Variants in EPHX1 observed in about 807,000 individuals in gnomAD.
EPHX1 encodes the protein epoxide hydrolase 1.
EPHX1 carries 40 observed loss-of-function variants against 43.2 expected under a neutral mutation model. The observed-to-expected ratio is 0.93, with a 90% CI of 0.72 to 1.21. The LOEUF (loss-of-function observed/expected upper bound fraction) is 1.21. Ranked by LOEUF, EPHX1 falls within the 50% of genes most tolerant of loss-of-function variation. The pLI, the probability that EPHX1 is intolerant of heterozygous loss-of-function variation, is 0.00. For synonymous variants in EPHX1, 221 were observed against 226.7 expected, an observed-to-expected ratio of 0.98 and a Z score of 0.22; for missense variants, 550 against 570.4, an observed-to-expected ratio of 0.96 and a Z score of 0.36.
rs763161291 is a variant in EPHX1, at chr1:225,835,382, C to CTT, written c.365-3251_365-3250dup. 9.2e-4 allele frequency among the ~76,000 whole-genome samples: 84 copies of CTT among 90,936 alleles called. 1 individual carries two copies. Among genetic ancestry groups the CTT allele is most frequent in the African/African-American group, 2.0e-3 (42 of 21,112 alleles). The allele number at this position is 90,936 out of a possible 152,430, so 59.7% of individuals were successfully genotyped here. A position where few individuals can be genotyped will look rare whatever the true frequency, so the allele number is the denominator to read the frequency against. On this transcript the variant is annotated intron_variant, in intron 3 of 8. Coordinates refer to ENST00000272167, the MANE Select transcript of EPHX1 (RefSeq NM_001136018.4). ...CACAGGTATGCACCACCACACTAGG[C>CTT]TTTTTTTTTTTTTTTTTTTTTTCTT...
intron 6 of EPHX1, chr1:225,840,932 A>G (rs1668348979): frequency 6.6e-6 from 1 of 152,240 alleles, no homozygotes; most frequent in Non-Finnish European, 1.5e-5. Flanking sequence ...CTCTGATTAT[A>G]AAATACATGT....
chr1:225,813,819 C>G (rs1291834300), intron 1 of EPHX1, among the ~76,000 whole-genome samples: 1 of 152,146 alleles, frequency 6.6e-6, no homozygotes, highest in Non-Finnish European at 1.5e-5. Context: ...CATGGTCCAG[C>G]CCCCGCACAG....
At chr1:225,825,100 G>A (rs1667167425) in intron 1 of EPHX1, among the ~76,000 whole-genome samples, 1 of 152,208 alleles carries the variant, frequency 6.6e-6, no homozygotes, top group South Asian at 2.1e-4. Flanking sequence ...CTTCCTGGGT[G>A]ATACACCTGG....
chr1:225,821,314 G>A (rs922370392), intron 1 of EPHX1, among the ~76,000 whole-genome samples: 1 of 151,218 alleles, frequency 6.6e-6, no homozygotes, highest in Non-Finnish European at 1.5e-5. Flanking sequence ...GGGCAATCTC[G>A]GCTCACTGCA....
At chr1:225,813,529 GA>G (rs1229196496) in intron 1 of EPHX1, among the ~76,000 whole-genome samples, 1 of 152,260 alleles carries the variant, frequency 6.6e-6, no homozygotes, top group Non-Finnish European at 1.5e-5. Flanking sequence ...TCAACAAGGA[GA>G]AAACTGCGCA....
chr1:225,838,932 G>A (rs778662565), intron 4 of EPHX1, 51 bp downstream of exon 4: 4 of 1,585,580 alleles, frequency 2.5e-6, no homozygotes, highest in Middle Eastern at 1.7e-4. Flanking sequence ...CCAAGGGTGG[G>A]CCCGGTGTTC....
At chr1:225,834,445 T>C (rs947215167) in intron 3 of EPHX1, among the ~76,000 whole-genome samples, 2 of 151,936 alleles carry the variant, frequency 1.3e-5, no homozygotes, top group Non-Finnish European at 2.9e-5. Context: ...AAACCTCGAC[T>C]TGGAGGTGCC....
rs562644016 is a variant in EPHX1 at position 225,844,372 on chromosome 1, G to A, written c.1041-126G>A. 2.4e-5 allele frequency: 35 copies of A among 1,430,150 alleles called. 1 individual carries two copies. In the East Asian group the frequency reaches 2.7e-4, roughly 11 times the overall value. The allele number at this position is 1,430,150 out of a possible 1,614,324, so 88.6% of individuals were successfully genotyped here. ...CCTGTGACACGAGGATACCACACAC[G>A]TTGCATGAGGTCTGAGGAGGGAAGC... On this transcript the variant is annotated intron_variant, in intron 7 of 8. Transcript: ENST00000272167.
intron 1 of EPHX1, chr1:225,810,656 G>T (rs1457905840): frequency 6.6e-6 from 1 of 151,908 alleles, no homozygotes; most frequent in African/African-American, 2.4e-5. Flanking sequence ...GTGCAGGCGG[G>T]CTGAGTCCGA....
intron 1 of EPHX1, among the ~76,000 whole-genome samples, chr1:225,815,926 C>T (rs1011343771): frequency 1.3e-5 from 2 of 152,172 alleles, no homozygotes; most frequent in African/African-American, 4.8e-5. Flanking sequence ...TGGGAAGGAA[C>T]TCCGGTAAGT....
intron 1 of EPHX1, among the ~76,000 whole-genome samples, chr1:225,814,859 G>A (rs1666646021): frequency 6.6e-6 from 1 of 152,242 alleles, no homozygotes; most frequent in Admixed American, 6.5e-5. Flanking sequence ...GGTGAGACTT[G>A]GCTAATTTCG....
In EPHX1 at chr1:225,844,614, A is replaced by G. The variant is rs1559027956; in HGVS notation, c.1157A>G (p.Lys386Arg). The change falls in exon 8 of 9, where the codon AAG becomes AGG. Residue 386 changes from lysine to arginine, a missense_variant. Coordinates refer to ENST00000272167, the MANE Select transcript of EPHX1 (RefSeq NM_001136018.4). ...ENLGQGWMTQ[K>R]HERMKVYVPT... ...CTGGGACAGGGCTGGATGACCCAGAAGCATGAGCGGTGAGCCTGGCTGAGC... is the reference window on the plus strand; with the variant it reads ...CTGGGACAGGGCTGGATGACCCAGAGGCATGAGCGGTGAGCCTGGCTGAGC... 1 of 1,614,096 alleles carries G rather than the reference A, an allele frequency of 6.2e-7. No homozygotes were observed. Among genetic ancestry groups the G allele is most frequent in the Non-Finnish European group, 8.5e-7 (1 of 1,180,012 alleles).
intron 1 of EPHX1, among the ~76,000 whole-genome samples, chr1:225,826,238 C>T (rs542149763): frequency 1.6e-3 from 238 of 151,946 alleles, no homozygotes; most frequent in African/African-American, 5.4e-3. Context: ...CCGAGGTGGG[C>T]GGATCGCTGG....
In EPHX1 at chr1:225,838,070, T is replaced by C. The variant is rs570602892; in HGVS notation, c.365-584T>C. On this transcript the variant is annotated intron_variant, in intron 3 of 8. Coordinates refer to ENST00000272167, the MANE Select transcript of EPHX1 (RefSeq NM_001136018.4). The stretch of plus-strand genomic sequence containing the variant: ...ACATAGTATAAGTACAGTATAAGCA[T>C]AGATGACTTTTTATAAAAACTGGGT... Among the ~76,000 whole-genome samples the C allele has an allele frequency of 3.9e-5, 6 of 152,360 alleles. No homozygotes were observed. The South Asian group carries it at 1.2e-3, about 32-fold the overall frequency.
Position 225,842,418 on chromosome 1 carries a change from G to A in EPHX1, c.984G>A (p.Lys328=), listed in dbSNP as rs1668506397. ...GTCTGGCTGCCTATATTCTAGAGAA[G>A]TTTTCCACCTGGACCAATACGGAAT... ...PVGLAAYILE[K]FSTWTNTEFR... The change falls in exon 7 of 9, where the codon AAG becomes AAA. Residue 328 remains lysine (K), a synonymous_variant. Coordinates refer to ENST00000272167, the MANE Select transcript of EPHX1 (RefSeq NM_001136018.4). 5 of 1,614,166 alleles carry A rather than the reference G, an allele frequency of 3.1e-6. No homozygotes were observed.
At chr1:225,844,410 G>A in intron 7 of EPHX1, 88 bp from the exon 8 acceptor site, 2 of 1,605,014 alleles carry the variant, frequency 1.2e-6, no homozygotes, top group Admixed American at 1.7e-5. Context: ...CATGGGCAGG[G>A]CCTGGCATTT....
At chr1:225,828,691 G>T (rs762182909) in intron 1 of EPHX1, 34 bp from the exon 2 acceptor site, 1 of 1,605,714 alleles carries the variant, frequency 6.2e-7, no homozygotes, top group Non-Finnish European at 8.5e-7. Context: ...GGCTGGGCGG[G>T]CTCCGTTGTT....
intron 1 of EPHX1, among the ~76,000 whole-genome samples, chr1:225,813,480 G>A (rs1051381632): frequency 3.3e-5 from 5 of 152,240 alleles, no homozygotes; most frequent in African/African-American, 1.2e-4. Context: ...CTCTCCTGAG[G>A]AGGGAGGAGC....
intron 2 of EPHX1, among the ~76,000 whole-genome samples, chr1:225,830,864 C>T (rs1667547433): frequency 6.6e-6 from 1 of 152,184 alleles, no homozygotes; most frequent in African/African-American, 2.4e-5. Context: ...TAGCCTGCTA[C>T]CTGTTTTAGC....
Sources: gnomAD v4.1 joint callset for allele counts (sites outside exome capture counted in the v4.1 genomes callset) on GRCh38, gnomAD v4.1.1 for gene constraint, MANE v1.5 for transcripts, NCBI Gene and HGNC (gene_info 2026-07-23, HGNC 2026-07-21) for gene names.